The following KLC1 variants were observed in gnomAD, a reference collection of about 807,000 sequenced individuals.
The protein encoded by KLC1 is kinesin light chain 1.
In KLC1, 30 loss-of-function variants were observed where a neutral mutation model predicts 84.2. The observed-to-expected ratio is 0.36, with a 90% CI of 0.27 to 0.48. The LOEUF (loss-of-function observed/expected upper bound fraction) is 0.48, where lower values mean the gene tolerates loss of function less well. Among genes scored for constraint, KLC1 ranks in the 20% least tolerant of loss-of-function variants. The pLI, the probability that KLC1 is intolerant of heterozygous loss-of-function variation, is 0.99. For missense variants in KLC1, 499 were observed against 805.4 expected, an observed-to-expected ratio of 0.62 and a Z score of 4.60; for synonymous variants, 289 against 293.3, an observed-to-expected ratio of 0.99 and a Z score of 0.15.
intron 3 of KLC1, among the ~76,000 whole-genome samples, chr14:103,658,745 C>T (rs1342072644): frequency 6.8e-6 from 1 of 147,402 alleles, no homozygotes; most frequent in Non-Finnish European, 1.5e-5. Context: ...GCAACCTCCA[C>T]CTCCCGGGCT....
chr14:103,649,130 C>T (rs917680885), intron 1 of KLC1, among the ~76,000 whole-genome samples: 2 of 151,746 alleles, frequency 1.3e-5, no homozygotes, highest in Non-Finnish European at 2.9e-5. Flanking sequence ...GAATGAGAGC[C>T]TGTCTTAAAA....
intron 1 of KLC1, among the ~76,000 whole-genome samples, chr14:103,644,079 G>A (rs923414722): frequency 2.6e-5 from 4 of 151,686 alleles, no homozygotes; most frequent in African/African-American, 9.7e-5. Context: ...GCTGGGTGTG[G>A]TTGCGGGCGC....
Position 103,671,403 on chromosome 14 carries a change from T to C in KLC1, c.987+1120T>C, listed in dbSNP as rs139391365. 1.2e-3 allele frequency among the ~76,000 whole-genome samples: 180 copies of C among 152,210 alleles called. 2 individuals are homozygous for C. The highest frequency in any genetic ancestry group is 4.1e-3 in the African/African-American group (171 of 41,498). ...TTTTTTTTCTGAAACGGAGTCTTGC[T>C]GTGTCGCCCAGGCTGGAGTGCAGTG... is the stretch of plus-strand genomic sequence containing the variant. On this transcript the variant is annotated intron_variant, in intron 7 of 16. Coordinates refer to ENST00000334553, the MANE Select transcript of KLC1 (RefSeq NM_001394837.1).
chr14:103,655,718 C>T (rs2078786103), intron 2 of KLC1, among the ~76,000 whole-genome samples: 2 of 152,242 alleles, frequency 1.3e-5, no homozygotes, highest in South Asian at 4.1e-4. Context: ...AAGTGATTCT[C>T]CTGCCTCAGC....
At chr14:103,640,606 C>T (rs1002611928) in intron 1 of KLC1, among the ~76,000 whole-genome samples, 9 of 152,024 alleles carry the variant, frequency 5.9e-5, no homozygotes, top group Admixed American at 2.0e-4. Context: ...GTGATCTGCC[C>T]GCCTCGGCCT....
intron 1 of KLC1, among the ~76,000 whole-genome samples, chr14:103,652,535 A>T (rs1014623227): frequency 2.0e-5 from 3 of 151,710 alleles, no homozygotes; most frequent in African/African-American, 7.3e-5. Flanking sequence ...TCTGTTGCCC[A>T]GGCTGGAGTG....
chr14:103,676,458 G>A (rs1207820826), intron 11 of KLC1, among the ~76,000 whole-genome samples: 2 of 152,150 alleles, frequency 1.3e-5, no homozygotes, highest in Non-Finnish European at 2.9e-5. Context: ...TAGAGACAGA[G>A]TTTCACCGTG....
At chr14:103,660,686 G>A (rs116718328) in intron 3 of KLC1, among the ~76,000 whole-genome samples, 8,043 of 151,948 alleles carry the variant, frequency 0.053, 244 homozygotes, top group South Asian at 0.091. Flanking sequence ...CAGCTACTTG[G>A]GAGGCTGAGG....
At chr14:103,630,903 C>T (rs1211811765) in intron 1 of KLC1, among the ~76,000 whole-genome samples, 1 of 152,006 alleles carries the variant, frequency 6.6e-6, no homozygotes, top group Non-Finnish European at 1.5e-5. Context: ...TGTGGAGGAC[C>T]CAGGTGGTAA....
At chr14:103,634,929 C>T (rs148866695) in intron 1 of KLC1, among the ~76,000 whole-genome samples, 15 of 152,172 alleles carry the variant, frequency 9.9e-5, no homozygotes, top group Non-Finnish European at 1.6e-4. Context: ...GAGGCTATTT[C>T]GAGATGATCT....
intron 5 of KLC1, among the ~76,000 whole-genome samples, chr14:103,668,840 C>G (rs367619551): frequency 6.6e-6 from 1 of 151,498 alleles, no homozygotes; most frequent in South Asian, 2.1e-4. Context: ...TGCAGTGGCA[C>G]GATCTCTGCT....
chr14:103,698,944 C>T (rs1364806690), intron 15 of KLC1: 2 of 1,600,870 alleles, frequency 1.2e-6, no homozygotes, highest in Non-Finnish European at 1.7e-6. Context: ...CGGAGCCGGT[C>T]AGCCAGCAGT....
intron 7 of KLC1, 96 bp downstream of exon 7, chr14:103,670,379 C>T (rs796978963): frequency 4.0e-5 from 31 of 776,694 alleles, no homozygotes; most frequent in East Asian, 3.6e-4. Flanking sequence ...GTTCTGTCAC[C>T]GGGCTGGAGT....
chr14:103,669,623 C>A (rs778164121), intron 6 of KLC1, 25 bp downstream of exon 6: 75 of 1,408,722 alleles, frequency 5.3e-5, no homozygotes, highest in Non-Finnish European at 6.0e-5. Flanking sequence ...TTCTTTCATT[C>A]TTTTAATATT....
At chr14:103,695,944 C>T (rs1420685312) in intron 15 of KLC1, 2 of 985,316 alleles carry the variant, frequency 2.0e-6, no homozygotes, top group African/African-American at 3.5e-5. Context: ...CAGCCATTTC[C>T]CATCTGGCGG....
intron 5 of KLC1, among the ~76,000 whole-genome samples, chr14:103,663,420 G>C (rs1004269313): frequency 7.9e-5 from 12 of 152,148 alleles, no homozygotes; most frequent in African/African-American, 2.9e-4. Context: ...TGAATCAGAA[G>C]AACAGATGCT....
At chr14:103,663,110 C>T (rs1421882546) in intron 5 of KLC1, among the ~76,000 whole-genome samples, 183 bp downstream of exon 5, 4 of 148,464 alleles carry the variant, frequency 2.7e-5, no homozygotes, top group South Asian at 4.2e-4. Flanking sequence ...GACGGAGTCT[C>T]GTTCTGTCAC....
intron 1 of KLC1, among the ~76,000 whole-genome samples, chr14:103,649,514 A>T (rs923728634): frequency 6.9e-6 from 1 of 145,632 alleles, no homozygotes; most frequent in Non-Finnish European, 1.5e-5. Context: ...GGATCACTGG[A>T]GCCCAAGAGT....
chr14:103,661,480 T>C (rs2079286732), intron 3 of KLC1, among the ~76,000 whole-genome samples: 1 of 152,214 alleles, frequency 6.6e-6, no homozygotes, highest in Non-Finnish European at 1.5e-5. Flanking sequence ...CTAAAAGCAA[T>C]GTGTCTTTAT....
Sources: gnomAD v4.1 joint callset for allele counts (sites outside exome capture counted in the v4.1 genomes callset) on GRCh38, gnomAD v4.1.1 for gene constraint, MANE v1.5 for transcripts, NCBI Gene and HGNC (gene_info 2026-07-23, HGNC 2026-07-21) for gene names.